GSTM2: variants seen among roughly 807,000 people sequenced by gnomAD.
GSTM2 encodes glutathione S-transferase mu 2, also known as GST class-mu 2.
A neutral mutation model predicts 33.3 loss-of-function variants in GSTM2; 33 were observed. The ratio of observed to expected loss-of-function variants is 0.99; its 90% CI spans 0.75 to 1.33. GSTM2 has a LOEUF of 1.33. Among genes scored for constraint, GSTM2 ranks in the 40% most tolerant of loss-of-function variants. The pLI, the probability that GSTM2 is intolerant of heterozygous loss-of-function variation, is 0.00. For synonymous variants in GSTM2, 93 were observed against 95.6 expected (o/e 0.97, Z 0.16); for missense variants, 213 against 265.8 (o/e 0.80, Z 1.38).
In GSTM2 at chr1:109,673,254, CCTT is replaced by C. The variant is rs754488036; in HGVS notation, c.568-1490_568-1488del. The stretch of plus-strand genomic sequence containing the variant: ...CGCTGATTTTACTCCTGTTCACTGA[CCTT>C]CTCCTCTGCATGAGGCAGGGTGTGA... On this transcript the variant is annotated intron_variant, in intron 7 of 7. Coordinates refer to ENST00000241337, the MANE Select transcript of GSTM2 (RefSeq NM_000848.4). The C allele has an allele frequency of 1.2e-5, 20 of 1,611,708 alleles. No individual in the cohort carries two copies. In the Admixed American group the frequency reaches 1.8e-4, roughly 15 times the overall value.
intron 1 of GSTM2, 134 bp from the exon 2 acceptor site, chr1:109,668,291 C>A: frequency 8.9e-7 from 1 of 1,129,062 alleles, no homozygotes; most frequent in Non-Finnish European, 1.3e-6. Context: ...GCTGTCTGTG[C>A]GTGTGGCTGG....
Position 109,674,685 on chromosome 1 carries a change from G to T in GSTM2, c.568-62G>T, listed in dbSNP as rs1374538395. On this transcript the variant is annotated intron_variant, in intron 7 of 7. Transcript: ENST00000241337. ...CCCTGACCTGCTGTGTCTGCAGTGG[G>T]GTTGTGCCAGCCCTCATGGGCAGCT... 3.1e-6 allele frequency: 5 copies of T among 1,612,786 alleles called. No individual in the cohort carries two copies. The East Asian group carries it at 6.7e-5, about 22-fold the overall frequency.
downstream of GSTM2, among the ~76,000 whole-genome samples, chr1:109,679,498 C>A (rs1460247058): frequency 1.3e-5 from 2 of 152,140 alleles, no homozygotes; most frequent in African/African-American, 4.8e-5. Context: ...AAAAAGAATA[C>A]CTTCAAGTTT....
downstream of GSTM2, among the ~76,000 whole-genome samples, chr1:109,678,047 T>A (rs964735855): frequency 6.6e-6 from 1 of 152,246 alleles, no homozygotes; most frequent in Admixed American, 6.5e-5. Flanking sequence ...TGGTGTCATT[T>A]CAAATTCTCT....
At chr1:109,668,327 C>A in intron 1 of GSTM2, 98 bp from the exon 2 acceptor site, 1 of 1,441,268 alleles carries the variant, frequency 6.9e-7, no homozygotes, top group Non-Finnish European at 9.8e-7. Flanking sequence ...GCGGGTGAGG[C>A]AGGAACGAGA....
downstream of GSTM2, among the ~76,000 whole-genome samples, chr1:109,676,511 C>T (rs1202409751): frequency 6.6e-6 from 1 of 151,972 alleles, no homozygotes; most frequent in East Asian, 1.9e-4. Context: ...ACACTGTGCC[C>T]AGCCGATTTT....
chr1:109,672,543 C>T (rs1312985684), intron 7 of GSTM2, among the ~76,000 whole-genome samples: 1 of 152,154 alleles, frequency 6.6e-6, no homozygotes, highest in Non-Finnish European at 1.5e-5. Context: ...TCAGGGCTCT[C>T]CGTTTTGTGA....
chr1:109,679,220 C>T (rs1232487063), downstream of GSTM2, among the ~76,000 whole-genome samples: 2 of 152,012 alleles, frequency 1.3e-5, no homozygotes, highest in African/African-American at 4.8e-5. Context: ...CCTGTATTCC[C>T]AGCACTTTGG....
chr1:109,668,630 C>T (rs1647418627), intron 2 of GSTM2, 130 bp downstream of exon 2: 5 of 1,104,644 alleles, frequency 4.5e-6, no homozygotes, highest in Non-Finnish European at 6.9e-6. Context: ...TTCCCTGAGC[C>T]CTGGTGAGGG....
downstream of GSTM2, among the ~76,000 whole-genome samples, chr1:109,678,340 A>G (rs950246723): frequency 6.6e-6 from 1 of 152,026 alleles, no homozygotes; most frequent in South Asian, 2.1e-4. Context: ...TTTTGCCATG[A>G]TGGCCAGGCT....
intron 2 of GSTM2, 101 bp from the exon 3 acceptor site, chr1:109,668,824 A>G: frequency 7.4e-7 from 1 of 1,353,816 alleles, no homozygotes; most frequent in Non-Finnish European, 1.1e-6. Flanking sequence ...TTCTAGATCC[A>G]CCTGTCTCAG....
chr1:109,675,932 G>A (rs1489062078), downstream of GSTM2, among the ~76,000 whole-genome samples: 1 of 152,214 alleles, frequency 6.6e-6, no homozygotes, highest in Admixed American at 6.5e-5. Flanking sequence ...AAGGAAAGAG[G>A]TTTAAAGGAC....
downstream of GSTM2, among the ~76,000 whole-genome samples, chr1:109,677,441 A>G (rs1401506748): frequency 6.6e-6 from 1 of 152,254 alleles, no homozygotes; most frequent in Non-Finnish European, 1.5e-5. Context: ...TAATTCCATC[A>G]TTCATATAAT....
chr1:109,677,965 C>T (rs868545872), downstream of GSTM2, among the ~76,000 whole-genome samples: 12 of 152,118 alleles, frequency 7.9e-5, no homozygotes, highest in African/African-American at 2.7e-4. Flanking sequence ...GTTTGCATAT[C>T]GCCTAGGACA....
At chr1:109,673,942 C>CA (rs1476992663) in intron 7 of GSTM2, among the ~76,000 whole-genome samples, 1 of 152,232 alleles carries the variant, frequency 6.6e-6, no homozygotes, top group Non-Finnish European at 1.5e-5. Flanking sequence ...GTGCACAGCA[C>CA]ATCTGAGTGT....
In GSTM2 at chr1:109,668,385, C is replaced by T. The variant is rs570860823; in HGVS notation, c.37-40C>T. On this transcript the variant is annotated intron_variant, in intron 1 of 7. Transcript: ENST00000241337. The stretch of plus-strand genomic sequence containing the variant: ...TGCAGAGTCGTCACAAAGTCAGGGA[C>T]CCTCCATCTCTGACCCGAGCTGTGG... The T allele has an allele frequency of 2.5e-6, 4 of 1,600,738 alleles. No homozygotes were observed. The Admixed American group carries it at 5.0e-5, about 20-fold the overall frequency.
intron 7 of GSTM2, among the ~76,000 whole-genome samples, chr1:109,672,585 G>A (rs1198027311): frequency 6.6e-6 from 1 of 152,226 alleles, no homozygotes; most frequent in Non-Finnish European, 1.5e-5. Flanking sequence ...TGTCCAGCCT[G>A]GGTTTCATAG....
rs1301993736 is a variant in GSTM2 at position 109,669,793 on chromosome 1, T to G, written c.360+222T>G. ...TCAGATGTGTCCGCAGTTTCTTCCT[T>G]CCGGTGGGTTTGTGGTCTTGCTGAC... On this transcript the variant is annotated intron_variant, in intron 5 of 7. Transcript: ENST00000241337. The G allele has an allele frequency of 1.5e-5, 8 of 537,610 alleles. No homozygotes were observed. In the East Asian group the frequency reaches 2.1e-4, roughly 14 times the overall value. The allele number at this position is 537,610 out of a possible 1,614,324, so 33.3% of individuals were successfully genotyped here.
chr1:109,673,858 C>G (rs2101255929), intron 7 of GSTM2, among the ~76,000 whole-genome samples: 1 of 152,320 alleles, frequency 6.6e-6, no homozygotes, highest in East Asian at 1.9e-4. Context: ...CTCGGCCTTC[C>G]AAAGTGCTGG....
Sources: gnomAD v4.1 joint callset for allele counts (sites outside exome capture counted in the v4.1 genomes callset) on GRCh38, gnomAD v4.1.1 for gene constraint, MANE v1.5 for transcripts, NCBI Gene and HGNC (gene_info 2026-07-23, HGNC 2026-07-21) for gene names.